The following EEF1AKMT2 variants were observed in gnomAD, a reference collection of about 807,000 sequenced individuals.
EEF1AKMT2 encodes the protein EEF1A lysine methyltransferase 2.
In EEF1AKMT2, 32 loss-of-function variants were observed where a neutral mutation model predicts 35.8. That is an observed-to-expected ratio of 0.89 (90% confidence interval 0.67 to 1.20). The LOEUF is 1.20. EEF1AKMT2 is among the 50% of genes most tolerant of loss of function. EEF1AKMT2 has a pLI of 0.00. For missense variants in EEF1AKMT2, 330 were observed against 347.5 expected, an observed-to-expected ratio of 0.95 and a Z score of 0.40; for synonymous variants, 121 against 133.7, an observed-to-expected ratio of 0.91 and a Z score of 0.65.
chr10:124,766,797 A>G (rs528739983), intron 4 of EEF1AKMT2, among the ~76,000 whole-genome samples: 1 of 152,308 alleles, frequency 6.6e-6, no homozygotes, highest in South Asian at 2.1e-4. Context: ...CTATATAAAA[A>G]TACTCATCTA....
rs753768176 is a variant in EEF1AKMT2 at position 124,787,289 on chromosome 10, G to C, written c.291+1754C>G. On this transcript the variant is annotated intron_variant, in intron 3 of 6. Transcript: ENST00000368836. Reference sequence around the variant, plus strand: ...TGGCAATAAAAATGAACTACATAGCGAGGCATAATGGCGTGCGCCTGTAAT... The same window carrying C: ...TGGCAATAAAAATGAACTACATAGCCAGGCATAATGGCGTGCGCCTGTAAT... Among the ~76,000 whole-genome samples the C allele has an allele frequency of 4.0e-5, 6 of 151,752 alleles. No individual in the cohort carries two copies. In the South Asian group the frequency reaches 8.3e-4, roughly 21 times the overall value.
chr10:124,779,154 A>G (rs1375204675), intron 3 of EEF1AKMT2, among the ~76,000 whole-genome samples: 1 of 151,938 alleles, frequency 6.6e-6, no homozygotes, highest in Admixed American at 6.6e-5. Context: ...TTATGGAAAC[A>G]GGGTTTCCTT....
At chr10:124,781,063 A>T (rs1005440539) in intron 3 of EEF1AKMT2, among the ~76,000 whole-genome samples, 1 of 151,720 alleles carries the variant, frequency 6.6e-6, no homozygotes, top group Non-Finnish European at 1.5e-5. Flanking sequence ...CCCCTGCCTC[A>T]GTCTCCTGAG....
At chr10:124,790,192 G>C in intron 2 of EEF1AKMT2, 81 bp downstream of exon 2, 2 of 1,149,738 alleles carry the variant, frequency 1.7e-6, no homozygotes, top group Non-Finnish European at 2.6e-6. Context: ...CGCGCCCGGC[G>C]AATATATACG....
intron 4 of EEF1AKMT2, among the ~76,000 whole-genome samples, chr10:124,772,688 A>G (rs1184855517): frequency 1.3e-5 from 2 of 152,048 alleles, no homozygotes; most frequent in Admixed American, 6.6e-5. Context: ...TTGGCCTCCC[A>G]AAGTGCTAGG....
chr10:124,769,248 A>ATATATATATGTG (rs60863408), intron 4 of EEF1AKMT2, among the ~76,000 whole-genome samples: 20,398 of 63,142 alleles, frequency 0.32, 4,901 homozygotes, highest in Admixed American at 0.48. Flanking sequence ...ATATATATAT[A>ATATATATATGTG]TGTGTGTATA....
rs552844987 is a variant in EEF1AKMT2 at position 124,787,678 on chromosome 10, T to G, written c.291+1365A>C. On this transcript the variant is annotated intron_variant, in intron 3 of 6. Coordinates refer to ENST00000368836, the MANE Select transcript of EEF1AKMT2 (RefSeq NM_212554.4). ...ACAGGATCGCTTGAGCCTGAGAGGT[T>G]GAGGCTACAATGTGCCATGATCTCA... Among the ~76,000 whole-genome samples, 102 of 151,550 alleles carry G rather than the reference T, an allele frequency of 6.7e-4. 2 individuals are homozygous for G. The South Asian group carries it at 0.02, about 30-fold the overall frequency.
intron 4 of EEF1AKMT2, chr10:124,766,419 G>A (rs1205065719): frequency 6.6e-6 from 1 of 152,138 alleles, no homozygotes; most frequent in Non-Finnish European, 1.5e-5. Flanking sequence ...TTCAGTTGGA[G>A]GTGTGAAGTC....
chr10:124,790,114 C>G (rs568341885), intron 2 of EEF1AKMT2, among the ~76,000 whole-genome samples, 159 bp downstream of exon 2: 2 of 152,150 alleles, frequency 1.3e-5, no homozygotes, highest in South Asian at 4.1e-4. Context: ...AGGATGGTCT[C>G]TATCTCCTGA....
intron 3 of EEF1AKMT2, among the ~76,000 whole-genome samples, chr10:124,779,932 G>A (rs1015508275): frequency 2.0e-5 from 3 of 151,572 alleles, no homozygotes; most frequent in Admixed American, 6.6e-5. Context: ...GCGTGGTGGC[G>A]GGCACATGTA....
At chr10:124,765,286 C>T (rs1414611178) in intron 5 of EEF1AKMT2, 106 bp downstream of exon 5, 2 of 922,528 alleles carry the variant, frequency 2.2e-6, no homozygotes, top group African/African-American at 3.3e-5. Context: ...CAGGCAATTC[C>T]CACAAATAGA....
rs57130146 is a variant in EEF1AKMT2 at position 124,774,374 on chromosome 10, CAAAAAAAAAAA to C, written c.399+290_399+300del. ...TGGGCAACTGAGCGAGACTCAGTCTCAAAAAAAAAAAAAAAAAAAAAAAAAAAAAAAAAAAA... is the reference window on the plus strand; with the variant it reads ...TGGGCAACTGAGCGAGACTCAGTCTCAAAAAAAAAAAAAAAAAAAAAAAAA... On this transcript the variant is annotated intron_variant, in intron 4 of 6. Transcript: ENST00000368836. 3.7e-3 allele frequency among the ~76,000 whole-genome samples: 81 copies of C among 21,706 alleles called. 1 individual carries two copies. The highest frequency in any genetic ancestry group is 0.011 in the South Asian group (3 of 280). 14.2% of individuals were successfully genotyped at this position (21,706 alleles called of 152,430 possible).
Position 124,791,818 on chromosome 10 carries a change from C to T in EEF1AKMT2, c.16G>A (p.Asp6Asn), listed in dbSNP as rs760521956. 4.4e-6 allele frequency: 7 copies of T among 1,583,084 alleles called. No individual in the cohort carries two copies. The Admixed American group carries it at 5.2e-5, about 12-fold the overall frequency. ...GCCACCGCAGCGCCACCGCCGCCGTCAGCGCCCGAGCTCATTTCGCTCCAC... is the reference window on the plus strand; with the variant it reads ...GCCACCGCAGCGCCACCGCCGCCGTTAGCGCCCGAGCTCATTTCGCTCCAC... MSSGA[D>N]GGGGAAVAAR... The change falls in exon 1 of 7, where the codon GAC becomes AAC. Residue 6 changes from aspartate (D) to asparagine (N), a missense_variant. Transcript: ENST00000368836.
chr10:124,765,683 A>C, intron 4 of EEF1AKMT2, 75 bp from the exon 5 acceptor site: 1 of 1,089,436 alleles, frequency 9.2e-7, no homozygotes, highest in Non-Finnish European at 1.3e-6. Flanking sequence ...CAACCTGTAA[A>C]AGGTTATTAA....
At chr10:124,782,361 T>A (rs1564908443) in intron 3 of EEF1AKMT2, among the ~76,000 whole-genome samples, 1 of 151,580 alleles carries the variant, frequency 6.6e-6, no homozygotes, top group African/African-American at 2.4e-5. Flanking sequence ...GGCGGGAGGA[T>A]CACGAGGTCA....
chr10:124,761,294 T>C (rs1185473380), intron 6 of EEF1AKMT2, among the ~76,000 whole-genome samples: 2 of 152,178 alleles, frequency 1.3e-5, no homozygotes, highest in Non-Finnish European at 1.5e-5. Flanking sequence ...GAAATATAAA[T>C]GAATTTGTAG....
At chr10:124,788,010 G>A (rs1950601738) in intron 3 of EEF1AKMT2, among the ~76,000 whole-genome samples, 1 of 152,088 alleles carries the variant, frequency 6.6e-6, no homozygotes, top group African/African-American at 2.4e-5. Flanking sequence ...CAAAATCGAA[G>A]GTCTTAAGCA....
At chr10:124,763,277 A>T (rs1407486059) in intron 5 of EEF1AKMT2, among the ~76,000 whole-genome samples, 3 of 152,212 alleles carry the variant, frequency 2.0e-5, no homozygotes, top group Non-Finnish European at 2.9e-5. Context: ...CTCACTAAAA[A>T]AATTATAACA....
Position 124,762,484 on chromosome 10 carries a change from C to G in EEF1AKMT2, c.691G>C (p.Ala231Pro), listed in dbSNP as rs1950340968. The G allele has an allele frequency of 1.5e-6, 2 of 1,291,642 alleles. No individual in the cohort carries two copies. The highest frequency in any genetic ancestry group is 2.0e-6 in the Non-Finnish European group (2 of 980,212). 80.0% of individuals were successfully genotyped at this position (1,291,642 alleles called of 1,614,324 possible). The change falls in exon 6 of 7, where the codon GCC becomes CCC. Residue 231 changes from alanine (A) to proline (P), a missense_variant. Ala to Pro is a conservative substitution (Grantham distance 27). Transcript: ENST00000368836. ...CCTGTAGTTCCACCTACTCGGGAGG[C>G]TGAAGTGGAAAAGATCGCTTGAGCC... ...SWAQAIFSTS[A>P]SRVGGTTGTH...
Sources: gnomAD v4.1 joint callset for allele counts (sites outside exome capture counted in the v4.1 genomes callset) on GRCh38, gnomAD v4.1.1 for gene constraint, MANE v1.5 for transcripts, NCBI Gene and HGNC (gene_info 2026-07-23, HGNC 2026-07-21) for gene names.